Variants in TRAIP observed in about 807,000 individuals in gnomAD.
The protein encoded by TRAIP is TRAF interacting protein.
TRAIP carries 37 observed loss-of-function variants against 65.0 expected under a neutral mutation model. That is an observed-to-expected ratio of 0.57 (90% CI 0.44 to 0.75). The LOEUF (loss-of-function observed/expected upper bound fraction) is 0.75, where lower values mean the gene tolerates loss of function less well. Among genes scored for constraint, TRAIP ranks in the 30% least tolerant of loss-of-function variants. The probability of loss-of-function intolerance (pLI) is 0.00; values close to 1 mark genes in which losing one functional copy is unlikely to be tolerated. For synonymous variants in TRAIP, 187 were observed against 219.1 expected (o/e 0.85, Z 1.29); for missense variants, 481 against 579.4 (o/e 0.83, Z 1.74).
intron 2 of TRAIP, 38 bp from the exon 3 acceptor site, chr3:49,847,646 C>T (rs938625107): frequency 1.4e-6 from 2 of 1,469,860 alleles, no homozygotes; most frequent in African/African-American, 2.8e-5. Context: ...GATTGTGTAG[C>T]TGGGTCATGC....
rs1017425909 is a variant in TRAIP, at chr3:49,842,321, A to G, written c.503+132T>C. ...TCTGTGCCCACACCCAGCTGACCTG[A>G]GCCCTCCATGGCCTATGGAGATTTG... On this transcript the variant is annotated intron_variant, in intron 6 of 14. Transcript: ENST00000331456. The G allele has an allele frequency of 2.5e-5, 21 of 825,944 alleles. No homozygotes were observed. The Admixed American group carries it at 4.5e-4, about 18-fold the overall frequency. 51.2% of individuals were successfully genotyped at this position (825,944 alleles called of 1,614,324 possible). A position where few individuals can be genotyped will look rare whatever the true frequency, so the allele number is the denominator to read the frequency against.
At chr3:49,832,192 T>G (rs1210119451) in intron 10 of TRAIP, 124 bp from the exon 11 acceptor site, 5 of 1,156,192 alleles carry the variant, frequency 4.3e-6, no homozygotes, top group Non-Finnish European at 5.7e-6. Flanking sequence ...AGGCCACCCC[T>G]CAAGAGAGCC....
At chr3:49,852,033 A>G (rs2081936322) in intron 1 of TRAIP, among the ~76,000 whole-genome samples, 1 of 151,888 alleles carries the variant, frequency 6.6e-6, no homozygotes, top group Non-Finnish European at 1.5e-5. Flanking sequence ...GTACACAAGA[A>G]AAAAAAGCAC....
At chr3:49,832,129 T>G in intron 10 of TRAIP, 61 bp from the exon 11 acceptor site, 1 of 1,471,646 alleles carries the variant, frequency 6.8e-7, no homozygotes, top group Middle Eastern at 2.0e-4. Context: ...CAACAGCTCC[T>G]GAAGCATCAG....
At chr3:49,847,992 C>T in intron 2 of TRAIP, 151 bp downstream of exon 2, 1 of 818,460 alleles carries the variant, frequency 1.2e-6, no homozygotes, top group Non-Finnish European at 2.0e-6. Flanking sequence ...ACCTCCCAAA[C>T]ACTCAAGGGC....
At chr3:49,842,641 G>C (rs891179110) in intron 5 of TRAIP, 94 bp from the exon 6 acceptor site, 3 of 1,206,528 alleles carry the variant, frequency 2.5e-6, no homozygotes, top group African/African-American at 1.5e-5. Context: ...ACTCTCTGCA[G>C]CTTATGTTTT....
At position 49,848,134 on chromosome 3, in the gene TRAIP, T is replaced by C. The variant is rs756356340; in HGVS notation, c.156+9A>G. On this transcript the variant is annotated intron_variant, in intron 2 of 14. Coordinates refer to ENST00000331456, the MANE Select transcript of TRAIP (RefSeq NM_005879.3). Reference sequence around the variant, plus strand: ...TTCAGTTGAGGTGGTCCCACCCCAATACTCTCACCTGGATTCGGCACTGTG... The same window carrying C: ...TTCAGTTGAGGTGGTCCCACCCCAACACTCTCACCTGGATTCGGCACTGTG... The C allele has an allele frequency of 6.2e-7, 1 of 1,614,140 alleles. No homozygotes were observed. The highest frequency in any genetic ancestry group is 1.1e-5 in the South Asian group (1 of 91,086).
In TRAIP at chr3:49,829,854, C is replaced by A. The variant is rs192574126; in HGVS notation, c.1087-88G>T. 1.7e-4 allele frequency: 266 copies of A among 1,594,234 alleles called. 1 individual carries two copies. In the African/African-American group the frequency reaches 3.2e-3, roughly 19 times the overall value. ...TGGTGGTGGAACAAGATCAGGATCT[C>A]TGATGCCTCACTAGGAGGCAGGAGG... On this transcript the variant is annotated intron_variant, in intron 12 of 14. Transcript: ENST00000331456.
chr3:49,849,552 G>A (rs1275619694), intron 1 of TRAIP, among the ~76,000 whole-genome samples: 7 of 152,118 alleles, frequency 4.6e-5, no homozygotes, highest in African/African-American at 1.7e-4. Flanking sequence ...GTGAACCTGG[G>A]AGGCGGAGAT....
chr3:49,847,662 G>A, intron 2 of TRAIP, 54 bp from the exon 3 acceptor site: 3 of 1,323,990 alleles, frequency 2.3e-6, no homozygotes, highest in Non-Finnish European at 3.2e-6. Flanking sequence ...CATGCGCAAG[G>A]AGGAGAGTGT....
At chr3:49,839,703 A>T (rs938673643) in intron 10 of TRAIP, 69 bp downstream of exon 10, 1 of 1,408,042 alleles carries the variant, frequency 7.1e-7, no homozygotes, top group African/African-American at 1.4e-5. Context: ...CAAAGCCAGG[A>T]GGAGTAAAGA....
At chr3:49,844,762 G>A (rs916035462) in intron 3 of TRAIP, among the ~76,000 whole-genome samples, 182 bp from the exon 4 acceptor site, 3 of 152,244 alleles carry the variant, frequency 2.0e-5, no homozygotes, top group Non-Finnish European at 4.4e-5. Context: ...GTAGCTCTAT[G>A]TGCCCTTTTG....
At chr3:49,837,188 T>C (rs1361511862) in intron 10 of TRAIP, among the ~76,000 whole-genome samples, 1 of 152,090 alleles carries the variant, frequency 6.6e-6, no homozygotes, top group African/African-American at 2.4e-5. Context: ...TCACTTGTAG[T>C]TCTGAGGGTC....
chr3:49,833,479 G>T (rs554911795), intron 10 of TRAIP, among the ~76,000 whole-genome samples: 51 of 146,078 alleles, frequency 3.5e-4, no homozygotes, highest in Non-Finnish European at 7.1e-4. Flanking sequence ...CTCTTAGACT[G>T]TTTCTTTTTT....
chr3:49,847,339 A>C (rs2081892459), intron 3 of TRAIP, among the ~76,000 whole-genome samples, 186 bp downstream of exon 3: 1 of 151,680 alleles, frequency 6.6e-6, no homozygotes, highest in Non-Finnish European at 1.5e-5. Flanking sequence ...CTATGATTGC[A>C]CCACTGCACT....
In TRAIP at chr3:49,829,418, C is replaced by T. The variant is rs759417124; in HGVS notation, c.1287+40G>A. On this transcript the variant is annotated intron_variant, in intron 14 of 14. Coordinates refer to ENST00000331456, the MANE Select transcript of TRAIP (RefSeq NM_005879.3). ...GTATAGGTGAGGCATAGTATGGGCT[C>T]CACAGTTCAGCTCAGCTCAACATCA... 4 of 1,613,786 alleles carry T rather than the reference C, an allele frequency of 2.5e-6. No individual in the cohort carries two copies. In the African/African-American group the frequency reaches 5.3e-5, roughly 22 times the overall value.
chr3:49,831,343 G>A (rs561450456), intron 11 of TRAIP, among the ~76,000 whole-genome samples: 2 of 152,356 alleles, frequency 1.3e-5, no homozygotes, highest in South Asian at 4.1e-4. Context: ...TATAGTCCTT[G>A]TCTCCACAGT....
At chr3:49,830,752 G>A (rs550267613) in intron 11 of TRAIP, among the ~76,000 whole-genome samples, 1 of 152,324 alleles carries the variant, frequency 6.6e-6, no homozygotes, top group South Asian at 2.1e-4. Context: ...TGAGAAGATG[G>A]TGATCTAAGG....
At chr3:49,834,029 C>T (rs2081759697) in intron 10 of TRAIP, among the ~76,000 whole-genome samples, 1 of 152,158 alleles carries the variant, frequency 6.6e-6, no homozygotes, top group Non-Finnish European at 1.5e-5. Context: ...GGGAGCCAGG[C>T]AAGACACTCA....
Sources: allele counts gnomAD v4.1 joint callset (sites outside exome capture counted in the v4.1 genomes callset), GRCh38; gene constraint gnomAD v4.1.1; transcripts MANE v1.5; gene names NCBI Gene and HGNC (gene_info 2026-07-23, HGNC 2026-07-21).